The following EXT1 variants were observed in gnomAD, a reference collection of about 807,000 sequenced individuals.
The protein encoded by EXT1 is exostosin-1.
A neutral mutation model predicts 82.5 loss-of-function variants in EXT1; 20 were observed. The ratio of observed to expected loss-of-function variants is 0.24; its 90% CI spans 0.17 to 0.35. The LOEUF is 0.35. Ranked by LOEUF, EXT1 falls within the 10% of genes least tolerant of loss-of-function variation. EXT1 has a pLI of 1.00. For missense variants in EXT1, 757 were observed against 936.5 expected (o/e 0.81, Z 2.50); for synonymous variants, 348 against 350.8 (o/e 0.99, Z 0.09).
intron 1 of EXT1, among the ~76,000 whole-genome samples, chr8:117,915,481 T>G (rs937914411): frequency 2.0e-5 from 3 of 152,112 alleles, no homozygotes; most frequent in Non-Finnish European, 4.4e-5. Flanking sequence ...TGATAGAAAT[T>G]TAAGTTATTT....
intron 1 of EXT1, among the ~76,000 whole-genome samples, chr8:117,987,801 C>T (rs950437989): frequency 2.0e-5 from 3 of 152,234 alleles, no homozygotes; most frequent in East Asian, 3.9e-4. Context: ...TAAATACTGG[C>T]TGTTGGTCAG....
chr8:118,111,278 G>A lies in EXT1; in HGVS notation c.-232C>T, dbSNP rs1173809883. ...CATCTTTGGGTTGCACAATGCACGG[G>A]AGAGAGCGGGGCTGAATATCTCGCA... On this transcript the variant is annotated 5_prime_UTR_variant, in exon 1 of 11. Transcript: ENST00000378204. 18 of 656,448 alleles carry A rather than the reference G, an allele frequency of 2.7e-5. No homozygotes were observed. The highest frequency in any genetic ancestry group is 4.2e-5 in the Non-Finnish European group (16 of 378,560). 40.7% of individuals were successfully genotyped at this position (656,448 alleles called of 1,614,324 possible).
chr8:117,862,126 C>G lies in EXT1; in HGVS notation c.963-24925G>C, dbSNP rs1186677890. 1.4e-5 allele frequency among the ~76,000 whole-genome samples: 2 copies of G among 145,874 alleles called. 1 individual carries two copies. Among genetic ancestry groups the G allele is most frequent in the Non-Finnish European group, 3.1e-5 (2 of 64,888 alleles). ...ACTTCATGGTTAATTTTGTTGCCAG[C>G]AGGATAATAAAGTGTGATACAAACT... On this transcript the variant is annotated intron_variant, in intron 1 of 10. Coordinates refer to ENST00000378204, the MANE Select transcript of EXT1 (RefSeq NM_000127.3).
Position 117,936,627 on chromosome 8 carries a change from C to T in EXT1, c.963-99426G>A, listed in dbSNP as rs904524770. On this transcript the variant is annotated intron_variant, in intron 1 of 10. Transcript: ENST00000378204. ...CGGAGGCTCACGCTTGTAATCCCAG[C>T]ACTTTCGGATGCCAAGGTGGGCAGA... is the stretch of plus-strand genomic sequence containing the variant. Among the ~76,000 whole-genome samples the T allele has an allele frequency of 1.1e-4, 16 of 152,206 alleles. 1 individual carries two copies. The South Asian group carries it at 3.3e-3, about 32-fold the overall frequency.
At chr8:118,039,911 T>C (rs759192270) in intron 1 of EXT1, among the ~76,000 whole-genome samples, 7 of 152,240 alleles carry the variant, frequency 4.6e-5, no homozygotes, top group Non-Finnish European at 7.3e-5. Context: ...TAAGTCCATG[T>C]AAGCATTTTG....
chr8:117,897,554 A>G (rs1365209858), intron 1 of EXT1, among the ~76,000 whole-genome samples: 4 of 149,818 alleles, frequency 2.7e-5, no homozygotes, highest in African/African-American at 9.8e-5. Context: ...GCACTTTCCA[A>G]GAGTGTCTTT....
chr8:118,095,476 A>G (rs1049794599), intron 1 of EXT1, among the ~76,000 whole-genome samples: 3 of 152,272 alleles, frequency 2.0e-5, no homozygotes, highest in African/African-American at 4.8e-5. Flanking sequence ...GCACTTGCAT[A>G]CTTAAAAATG....
At chr8:117,973,582 AAC>A (rs1814988040) in intron 1 of EXT1, among the ~76,000 whole-genome samples, 1 of 152,006 alleles carries the variant, frequency 6.6e-6, no homozygotes, top group Non-Finnish European at 1.5e-5. Flanking sequence ...CAGTCTGGGC[AAC>A]ATAATGAGTC....
At chr8:117,816,973 C>G (rs1811832297) in intron 7 of EXT1, among the ~76,000 whole-genome samples, 1 of 151,024 alleles carries the variant, frequency 6.6e-6, no homozygotes, top group African/African-American at 2.5e-5. Context: ...ACTGCCATTC[C>G]TATGATGGGC....
intron 1 of EXT1, among the ~76,000 whole-genome samples, chr8:118,094,766 C>T (rs187449886): frequency 2.1e-4 from 32 of 152,322 alleles, no homozygotes; most frequent in Admixed American, 1.3e-3. Context: ...AACCTCTAAG[C>T]AATCCTCAGC....
intron 1 of EXT1, among the ~76,000 whole-genome samples, chr8:117,976,185 G>A (rs1312877893): frequency 6.6e-6 from 1 of 152,108 alleles, no homozygotes; most frequent in African/African-American, 2.4e-5. Flanking sequence ...TTACTATGAA[G>A]CACAATTCTC....
intron 1 of EXT1, among the ~76,000 whole-genome samples, chr8:117,956,994 A>T (rs17453385): frequency 6.6e-6 from 1 of 152,282 alleles, no homozygotes; most frequent in Non-Finnish European, 1.5e-5. Flanking sequence ...ATGTTGTTTC[A>T]CTTTTCCCAG....
chr8:117,933,877 C>G (rs1019434197), intron 1 of EXT1, among the ~76,000 whole-genome samples: 6 of 152,168 alleles, frequency 3.9e-5, no homozygotes, highest in African/African-American at 9.7e-5. Flanking sequence ...CGCCTGCTCA[C>G]AGGGGTCCCT....
intron 1 of EXT1, among the ~76,000 whole-genome samples, chr8:117,988,015 A>G (rs2129781524): frequency 6.6e-6 from 1 of 152,300 alleles, no homozygotes. Context: ...CTGAGCCTGG[A>G]AAGTTGAGGC....
chr8:117,979,109 C>G (rs2129760416), intron 1 of EXT1, among the ~76,000 whole-genome samples: 1 of 152,244 alleles, frequency 6.6e-6, no homozygotes, highest in Non-Finnish European at 1.5e-5. Flanking sequence ...AATCCTAGCA[C>G]TTCAAGAGGC....
At chr8:117,912,603 A>G (rs975765970) in intron 1 of EXT1, among the ~76,000 whole-genome samples, 6 of 152,198 alleles carry the variant, frequency 3.9e-5, no homozygotes, top group African/African-American at 7.2e-5. Context: ...GGATCACATC[A>G]ACAGTCTCAG....
chr8:117,949,999 CA>C, intron 1 of EXT1, among the ~76,000 whole-genome samples: 1 of 152,128 alleles, frequency 6.6e-6, no homozygotes, highest in African/African-American at 2.4e-5. Context: ...CTGAGGCGGG[CA>C]GATCGCTTGA....
intron 1 of EXT1, among the ~76,000 whole-genome samples, chr8:118,010,143 C>T (rs183213291): frequency 3.3e-5 from 5 of 152,002 alleles, no homozygotes; most frequent in African/African-American, 7.2e-5. Context: ...GAGGCAGAGG[C>T]GGGCGGATCA....
rs1459318687 is a variant in EXT1 at position 118,111,355 on chromosome 8, A to AGGAAAAGAAAGAGAGAGGGGAG, written c.-331_-310dup. On this transcript the variant is annotated 5_prime_UTR_variant, in exon 1 of 11. Transcript: ENST00000378204. ...AATTTTCTTGCATGCAACAAGACGG[A>AGGAAAAGAAAGAGAGAGGGGAG]GGAAAAGAAAGAGAGAGGGGAGAAA... is the stretch of plus-strand genomic sequence containing the variant. The AGGAAAAGAAAGAGAGAGGGGAG allele has an allele frequency of 1.6e-5, 9 of 562,186 alleles. No homozygotes were observed. Among genetic ancestry groups the AGGAAAAGAAAGAGAGAGGGGAG allele is most frequent in the Non-Finnish European group, 2.8e-5 (9 of 318,000 alleles). The allele number at this position is 562,186 out of a possible 1,614,324, so 34.8% of individuals were successfully genotyped here. A position where few individuals can be genotyped will look rare whatever the true frequency, so the allele number is the denominator to read the frequency against.
Sources: allele counts gnomAD v4.1 joint callset (sites outside exome capture counted in the v4.1 genomes callset), GRCh38; gene constraint gnomAD v4.1.1; transcripts MANE v1.5; gene names NCBI Gene and HGNC (gene_info 2026-07-23, HGNC 2026-07-21).